Variants in PPP4R3B observed in about 807,000 individuals in gnomAD.
PPP4R3B encodes protein phosphatase 4 regulatory subunit 3B.
Under a neutral mutation model 95.4 loss-of-function variants are expected in PPP4R3B, and 52 were observed. The ratio of observed to expected loss-of-function variants is 0.54; its 90% confidence interval spans 0.44 to 0.69. PPP4R3B has a LOEUF of 0.69. Among genes scored for constraint, PPP4R3B ranks in the 30% least tolerant of loss-of-function variants. The pLI is 0.00. For synonymous variants in PPP4R3B, 407 were observed against 343.9 expected (o/e 1.18, Z -2.03); for missense variants, 1,003 against 1,005.9 (o/e 1.00, Z 0.04).
chr2:55,574,597 C>CTT (rs879382361), intron 11 of PPP4R3B, among the ~76,000 whole-genome samples: 9 of 143,102 alleles, frequency 6.3e-5, no homozygotes, highest in Admixed American at 2.8e-4. Flanking sequence ...CATCAAGATT[C>CTT]TTTTTTTTTT....
At chr2:55,607,985 A>C (rs914754623) in intron 2 of PPP4R3B, among the ~76,000 whole-genome samples, 3 of 152,146 alleles carry the variant, frequency 2.0e-5, no homozygotes, top group Non-Finnish European at 4.4e-5. Context: ...GTAACTGAGC[A>C]CCTTTTCATC....
At chr2:55,603,933 GAA>G in intron 3 of PPP4R3B, 43 bp downstream of exon 3, 1 of 1,411,756 alleles carries the variant, frequency 7.1e-7, no homozygotes. Context: ...AAAAATTCCA[GAA>G]AAGAAGCAAA....
chr2:55,587,307 G>A (rs1690277143), intron 5 of PPP4R3B, among the ~76,000 whole-genome samples: 1 of 152,232 alleles, frequency 6.6e-6, no homozygotes, highest in South Asian at 2.1e-4. Context: ...CATCTGGCGG[G>A]GCACAGTGGC....
rs1196665848 is a variant in PPP4R3B, at chr2:55,548,059, T to C, written c.*1852A>G. On this transcript the variant is annotated 3_prime_UTR_variant, in exon 17 of 17. Transcript: ENST00000616407. Reference sequence around the variant, plus strand: ...GAACTTTACTGATCTTAGTTTAAAATATCCTGAGTCACCTGCCTTATGAGG... The same window carrying C: ...GAACTTTACTGATCTTAGTTTAAAACATCCTGAGTCACCTGCCTTATGAGG... 2 of 152,218 alleles carry C rather than the reference T, an allele frequency of 1.3e-5. No homozygotes were observed. The highest frequency in any genetic ancestry group is 2.9e-5 in the Non-Finnish European group (2 of 68,040). 9.4% of individuals were successfully genotyped at this position (152,218 alleles called of 1,614,324 possible). A position where few individuals can be genotyped will look rare whatever the true frequency, so the allele number is the denominator to read the frequency against.
At chr2:55,563,261 G>C (rs190758290) in intron 15 of PPP4R3B, among the ~76,000 whole-genome samples, 2 of 152,262 alleles carry the variant, frequency 1.3e-5, no homozygotes, top group African/African-American at 4.8e-5. Context: ...TAGTTTCAAA[G>C]AAAATGTAAT....
chr2:55,593,825 G>GA (rs983317336), intron 4 of PPP4R3B, among the ~76,000 whole-genome samples: 42 of 151,326 alleles, frequency 2.8e-4, no homozygotes, highest in African/African-American at 9.2e-4. Flanking sequence ...ATACCCAAAG[G>GA]AAAAAAAAGC....
At chr2:55,612,460 G>A (rs1300691365) in intron 2 of PPP4R3B, among the ~76,000 whole-genome samples, 2 of 152,110 alleles carry the variant, frequency 1.3e-5, no homozygotes, top group African/African-American at 4.8e-5. Context: ...GCTCACACCT[G>A]TAATCCCAGC....
chr2:55,574,611 T>C (rs1008435436), intron 11 of PPP4R3B, among the ~76,000 whole-genome samples: 1 of 151,794 alleles, frequency 6.6e-6, no homozygotes, highest in African/African-American at 2.4e-5. Context: ...TTTTTTTTTT[T>C]GATACAGAGT....
intron 16 of PPP4R3B, 55 bp downstream of exon 16, chr2:55,558,719 GA>G: frequency 7.6e-7 from 1 of 1,323,288 alleles, no homozygotes; most frequent in Non-Finnish European, 1.0e-6. Context: ...CAGTAAACAT[GA>G]AAAAATCTCA....
At chr2:55,578,976 A>G (rs1689070854) in intron 9 of PPP4R3B, among the ~76,000 whole-genome samples, 1 of 152,102 alleles carries the variant, frequency 6.6e-6, no homozygotes, top group Non-Finnish European at 1.5e-5. Flanking sequence ...GAACTGTAAT[A>G]TCTACAGTTA....
At chr2:55,578,880 T>C (rs1374180588) in intron 9 of PPP4R3B, among the ~76,000 whole-genome samples, 1 of 152,074 alleles carries the variant, frequency 6.6e-6, no homozygotes, top group Non-Finnish European at 1.5e-5. Flanking sequence ...TTTCACTAAT[T>C]AAGTTGTACG....
At chr2:55,569,184 C>T (rs1687664332) in intron 12 of PPP4R3B, among the ~76,000 whole-genome samples, 1 of 152,134 alleles carries the variant, frequency 6.6e-6, no homozygotes, top group African/African-American at 2.4e-5. Flanking sequence ...CCGGACAGGG[C>T]CACCAGAGGG....
intron 3 of PPP4R3B, among the ~76,000 whole-genome samples, chr2:55,599,635 C>T (rs989803239): frequency 2.6e-5 from 4 of 152,134 alleles, no homozygotes; most frequent in African/African-American, 7.2e-5. Context: ...CTGATCATAA[C>T]GTCTCAGAGA....
intron 11 of PPP4R3B, among the ~76,000 whole-genome samples, chr2:55,574,273 T>A (rs1216130680): frequency 2.0e-5 from 3 of 151,490 alleles, no homozygotes; most frequent in Non-Finnish European, 4.4e-5. Flanking sequence ...AAGCATATTA[T>A]CAGTTTTACC....
intron 4 of PPP4R3B, among the ~76,000 whole-genome samples, chr2:55,589,851 G>T (rs1286297576): frequency 6.7e-6 from 1 of 148,880 alleles, no homozygotes; most frequent in Admixed American, 6.7e-5. Context: ...GGGAGGGGGA[G>T]CTTGCAGTGA....
intron 16 of PPP4R3B, among the ~76,000 whole-genome samples, chr2:55,558,108 C>A (rs551877831): frequency 5.1e-4 from 77 of 152,058 alleles, no homozygotes; most frequent in Non-Finnish European, 9.3e-4. Flanking sequence ...ATAGCACTGG[C>A]AAAGCTGCAA....
chr2:55,600,459 C>T lies in PPP4R3B; in HGVS notation c.298-1420G>A, dbSNP rs1333736601. On this transcript the variant is annotated intron_variant, in intron 3 of 16. Coordinates refer to ENST00000616407, the MANE Select transcript of PPP4R3B (RefSeq NM_001122964.3). ...AAAAAAAAAAAAAAAAAAAAAAAGG[C>T]GGGCAGGGGTGGTTAAGAAATAATT... 1.9e-4 allele frequency among the ~76,000 whole-genome samples: 9 copies of T among 48,300 alleles called. 1 individual carries two copies. Among genetic ancestry groups the T allele is most frequent in the Middle Eastern group, 0.017 (1 of 58 alleles). 31.7% of individuals were successfully genotyped at this position (48,300 alleles called of 152,430 possible).
intron 16 of PPP4R3B, among the ~76,000 whole-genome samples, chr2:55,557,673 G>A (rs1279086455): frequency 6.6e-6 from 1 of 152,064 alleles, no homozygotes; most frequent in Non-Finnish European, 1.5e-5. Context: ...AATAAACTCA[G>A]ACTTATATTT....
Position 55,558,758 on chromosome 2 carries a change from A to G in PPP4R3B, c.2454+17T>C. 6.4e-7 allele frequency: 1 copy of G among 1,559,784 alleles called. No individual in the cohort carries two copies. Among genetic ancestry groups the G allele is most frequent in the Non-Finnish European group, 8.7e-7 (1 of 1,147,294 alleles). On this transcript the variant is annotated intron_variant, in intron 16 of 16. Transcript: ENST00000616407. ...GACGGGAAAAGCAAAGTTTGTGTGT[A>G]ATGCTGTTTCACCTACCTTGGTGGC... is the stretch of plus-strand genomic sequence containing the variant.
Sources: gnomAD v4.1 joint callset for allele counts (sites outside exome capture counted in the v4.1 genomes callset) on GRCh38, gnomAD v4.1.1 for gene constraint, MANE v1.5 for transcripts, NCBI Gene and HGNC (gene_info 2026-07-23, HGNC 2026-07-21) for gene names.